SUSD4: variants seen among roughly 807,000 people sequenced by gnomAD.
SUSD4 encodes the protein sushi domain containing 4.
SUSD4 carries 41 observed loss-of-function variants against 50.5 expected under a neutral mutation model. The observed-to-expected ratio is 0.81, with a 90% CI of 0.63 to 1.05. The LOEUF is 1.05. Among genes scored for constraint, SUSD4 ranks in the 50% least tolerant of loss-of-function variants. The pLI, the probability that SUSD4 is intolerant of heterozygous loss-of-function variation, is 0.00. For missense variants in SUSD4, 580 were observed against 634.7 expected, an observed-to-expected ratio of 0.91 and a Z score of 0.93; for synonymous variants, 257 against 257.3, an observed-to-expected ratio of 1.00 and a Z score of 0.01.
chr1:223,350,330 T>C (rs894576705), intron 2 of SUSD4, among the ~76,000 whole-genome samples: 2 of 152,206 alleles, frequency 1.3e-5, no homozygotes, highest in Non-Finnish European at 2.9e-5. Flanking sequence ...CAATAAATTA[T>C]TGTTGAACAA....
chr1:223,276,391 G>A (rs537324661), intron 3 of SUSD4, among the ~76,000 whole-genome samples: 2 of 152,324 alleles, frequency 1.3e-5, no homozygotes, highest in Admixed American at 6.5e-5. Context: ...GTGCAAGACC[G>A]CATGAGGCAG....
chr1:223,362,263 T>C (rs1004361893), intron 2 of SUSD4, among the ~76,000 whole-genome samples: 3 of 152,222 alleles, frequency 2.0e-5, no homozygotes. Flanking sequence ...TTTTTTTCCA[T>C]TTTCACCTTT....
At chr1:223,287,958 A>G (rs996952734) in intron 3 of SUSD4, among the ~76,000 whole-genome samples, 1 of 152,212 alleles carries the variant, frequency 6.6e-6, no homozygotes, top group Non-Finnish European at 1.5e-5. Flanking sequence ...AAAGAAGAAA[A>G]GAGAGTTGTC....
Position 223,229,048 on chromosome 1 carries a change from C to T in SUSD4, c.916+149G>A, listed in dbSNP as rs1659712463. ...TCTGGCACAGAGCCCAACAGCAGCC[C>T]CATCGACCCGCAATGATATGTTTCG... On this transcript the variant is annotated intron_variant, in intron 6 of 8. Coordinates refer to ENST00000366878, the MANE Select transcript of SUSD4 (RefSeq NM_017982.4). The surrounding 1 kb of genome is among the most constrained non-coding windows in gnomAD (Gnocchi z 4.7). 1.3e-6 allele frequency: 1 copy of T among 786,738 alleles called. No individual in the cohort carries two copies. Among genetic ancestry groups the T allele is most frequent in the Non-Finnish European group, 2.0e-6 (1 of 506,300 alleles). The allele number at this position is 786,738 out of a possible 1,614,324, so 48.7% of individuals were successfully genotyped here.
At chr1:223,250,007 T>C (rs1208048692) in intron 5 of SUSD4, among the ~76,000 whole-genome samples, 1 of 152,230 alleles carries the variant, frequency 6.6e-6, no homozygotes, top group Non-Finnish European at 1.5e-5. Context: ...AGAGGCAGCT[T>C]TGCACTGCCT....
chr1:223,289,390 G>A, intron 3 of SUSD4: 1 of 780,750 alleles, frequency 1.3e-6, no homozygotes. Context: ...GAAGAAGCAA[G>A]TTGAATTGGA....
In SUSD4 at chr1:223,363,401, T is replaced by G. The variant is rs751519800; in HGVS notation, c.25A>C (p.Asn9His). 78 of 1,571,102 alleles carry G rather than the reference T, an allele frequency of 5.0e-5. No homozygotes were observed. The South Asian group carries it at 8.2e-4, about 17-fold the overall frequency. MYHGMNPS[N>H]GDGFLEQQQQ... ...TGCTGCTCTAGAAATCCATCTCCAT[T>G]GCTCGGGTTCATTCCATGATACATC... The change falls in exon 2 of 9, where the codon AAT becomes CAT. Residue 9 changes from asparagine (N) to histidine (H), a missense_variant. Coordinates refer to ENST00000366878, the MANE Select transcript of SUSD4 (RefSeq NM_017982.4).
chr1:223,233,338 G>T (rs144189379), intron 5 of SUSD4, among the ~76,000 whole-genome samples: 1 of 152,050 alleles, frequency 6.6e-6, no homozygotes, highest in Non-Finnish European at 1.5e-5. Context: ...GGGTGGGAGC[G>T]TTTCTTTTAA....
At chr1:223,252,348 T>A (rs933645204) in intron 5 of SUSD4, among the ~76,000 whole-genome samples, 5 of 151,376 alleles carry the variant, frequency 3.3e-5, no homozygotes, top group African/African-American at 1.2e-4. Context: ...AGGCAGAGGC[T>A]GGAATGAAGC....
In SUSD4 at chr1:223,223,456, C is replaced by T. The variant is rs201322021; in HGVS notation, c.1237G>A (p.Ala413Thr). Residue 413 changes from alanine to threonine, a missense_variant, in exon 8 of 9, where the codon GCA (alanine) becomes ACA (threonine). Ala to Thr is a moderately conservative substitution (Grantham distance 58). Coordinates refer to ENST00000366878, the MANE Select transcript of SUSD4 (RefSeq NM_017982.4). ...TCCGTGTCCCCTGAGCCGGGGTATG[C>T]TGGGGGGCTCTGGTCGTCCACGGGT... Reference protein sequence around the residue: ...PLPVDDQSPPAYPGSGDTDTG... With the variant: ...PLPVDDQSPPTYPGSGDTDTG... The T allele has an allele frequency of 5.3e-4, 861 of 1,614,014 alleles. 1 individual carries two copies. Among genetic ancestry groups the T allele is most frequent in the Admixed American group, 7.0e-4 (42 of 60,008 alleles).
chr1:223,309,460 G>A (rs1231239564), intron 2 of SUSD4, among the ~76,000 whole-genome samples: 4 of 152,216 alleles, frequency 2.6e-5, no homozygotes, highest in South Asian at 2.1e-4. Context: ...GACCTCTCTA[G>A]GTTCTACTCG....
chr1:223,308,742 T>C (rs975241103), intron 2 of SUSD4, among the ~76,000 whole-genome samples: 3 of 151,630 alleles, frequency 2.0e-5, no homozygotes, highest in Non-Finnish European at 2.9e-5. Context: ...CAAGAGGGAG[T>C]AGAACCTGGG....
At chr1:223,282,431 C>T (rs1663809985) in intron 3 of SUSD4, among the ~76,000 whole-genome samples, 1 of 152,170 alleles carries the variant, frequency 6.6e-6, no homozygotes, top group Non-Finnish European at 1.5e-5. Context: ...CACAAGCATT[C>T]TTATACACCA....
chr1:223,256,397 G>T (rs1661694716), intron 5 of SUSD4, among the ~76,000 whole-genome samples: 1 of 152,148 alleles, frequency 6.6e-6, no homozygotes, highest in Non-Finnish European at 1.5e-5. Flanking sequence ...GAAAATAGAG[G>T]ACAGTAATAC....
chr1:223,346,274 G>T (rs932893493), intron 2 of SUSD4, among the ~76,000 whole-genome samples: 2 of 152,052 alleles, frequency 1.3e-5, no homozygotes, highest in East Asian at 3.9e-4. Flanking sequence ...ATGCTCCTCC[G>T]TTCAGAAACT....
At chr1:223,307,787 C>A (rs776427763) in intron 2 of SUSD4, among the ~76,000 whole-genome samples, 3 of 152,162 alleles carry the variant, frequency 2.0e-5, no homozygotes, top group Non-Finnish European at 4.4e-5. Context: ...CTTAGTCAAG[C>A]AACAAGATTA....
At chr1:223,283,884 T>C (rs1663940744) in intron 3 of SUSD4, among the ~76,000 whole-genome samples, 1 of 152,198 alleles carries the variant, frequency 6.6e-6, no homozygotes, top group East Asian at 1.9e-4. Flanking sequence ...ATATGCACCA[T>C]GGAATACTAC....
intron 2 of SUSD4, among the ~76,000 whole-genome samples, chr1:223,312,330 C>T (rs139700133): frequency 6.6e-6 from 1 of 152,252 alleles, no homozygotes; most frequent in East Asian, 1.9e-4. Flanking sequence ...GAACTAAAAG[C>T]TATCTAGGCC....
intron 2 of SUSD4, among the ~76,000 whole-genome samples, chr1:223,320,125 G>A (rs1366081116): frequency 6.6e-6 from 1 of 152,124 alleles, no homozygotes; most frequent in East Asian, 1.9e-4. Context: ...TGCTCATCCA[G>A]GAGAGATTTC....
Sources: allele counts gnomAD v4.1 joint callset (sites outside exome capture counted in the v4.1 genomes callset), GRCh38; gene constraint gnomAD v4.1.1; non-coding constraint Gnocchi (gnomAD v3.1); transcripts MANE v1.5; gene names NCBI Gene and HGNC (gene_info 2026-07-23, HGNC 2026-07-21).